The following APBB2 variants were observed in gnomAD, a reference collection of about 807,000 sequenced individuals.
APBB2 encodes the protein Fe65-like 1.
Under a neutral mutation model 82.5 loss-of-function variants are expected in APBB2, and 38 were observed. That is an observed-to-expected ratio of 0.46 (90% CI 0.36 to 0.60). The LOEUF is 0.60. Ranked by LOEUF, APBB2 falls within the 20% of genes least tolerant of loss-of-function variation. The pLI is 0.00. For missense variants in APBB2, 772 were observed against 972.3 expected (o/e 0.79, Z 2.74); for synonymous variants, 341 against 368.2 (o/e 0.93, Z 0.85).
chr4:41,037,459 A>G (rs1719675211), intron 4 of APBB2, among the ~76,000 whole-genome samples: 1 of 152,200 alleles, frequency 6.6e-6, no homozygotes, highest in South Asian at 2.1e-4. Context: ...TAGAATTTCC[A>G]GGGTTAGATA....
At chr4:41,091,033 A>C (rs557420069) in intron 3 of APBB2, among the ~76,000 whole-genome samples, 3 of 152,114 alleles carry the variant, frequency 2.0e-5, no homozygotes, top group Non-Finnish European at 4.4e-5. Context: ...ATGTGATCTG[A>C]TCCCCTGGTG....
intron 12 of APBB2, among the ~76,000 whole-genome samples, chr4:40,848,365 G>GT: frequency 6.6e-6 from 1 of 152,310 alleles, no homozygotes; most frequent in Middle Eastern, 3.4e-3. Flanking sequence ...GGGTCAGAGA[G>GT]TTTAAGTTGA....
chr4:40,853,537 C>A lies in APBB2; in HGVS notation c.1530-22960G>T, dbSNP rs550408578. 1.4e-3 allele frequency among the ~76,000 whole-genome samples: 213 copies of A among 152,142 alleles called. 1 individual carries two copies. The highest frequency in any genetic ancestry group is 4.8e-3 in the African/African-American group (199 of 41,500). ...TGATCTCGGCTCACTGCAACCTCCG[C>A]CTCCTGGGTTCAAGTGATTCTCCTG... On this transcript the variant is annotated intron_variant, in intron 12 of 17. Transcript: ENST00000508593.
intron 11 of APBB2, among the ~76,000 whole-genome samples, chr4:40,891,221 G>A (rs774578491): frequency 6.6e-6 from 1 of 152,172 alleles, no homozygotes; most frequent in Non-Finnish European, 1.5e-5. Context: ...GAACACCCAG[G>A]TTTCTCAACT....
intron 1 of APBB2, among the ~76,000 whole-genome samples, chr4:41,200,977 C>T (rs1460279118): frequency 1.3e-5 from 2 of 152,222 alleles, no homozygotes; most frequent in African/African-American, 4.8e-5. Flanking sequence ...TGCATGCTCT[C>T]AAACAACCTT....
chr4:40,981,285 TCC>T (rs1798403359), intron 6 of APBB2, among the ~76,000 whole-genome samples: 5 of 151,772 alleles, frequency 3.3e-5, no homozygotes, highest in Admixed American at 3.3e-4. Flanking sequence ...CGACTGTAGT[TCC>T]AGCTACTTGG....
At chr4:40,868,999 TA>T (rs1764736004) in intron 12 of APBB2, among the ~76,000 whole-genome samples, 1 of 152,174 alleles carries the variant, frequency 6.6e-6, no homozygotes, top group Non-Finnish European at 1.5e-5. Flanking sequence ...ATACATGTGT[TA>T]CCTCGATTTG....
Position 40,861,088 on chromosome 4 carries a change from C to T in APBB2, c.1529+29276G>A, listed in dbSNP as rs189886473. Among the ~76,000 whole-genome samples, 305 of 152,298 alleles carry T rather than the reference C, an allele frequency of 2.0e-3. 1 individual carries two copies. The highest frequency in any genetic ancestry group is 6.8e-3 in the Middle Eastern group (2 of 294). Reference sequence around the variant, plus strand: ...ACATTAGGCCAGGTGTGGTGGCTCACGCCTGTAATCACAGCATTTTGGGAG... The same window carrying T: ...ACATTAGGCCAGGTGTGGTGGCTCATGCCTGTAATCACAGCATTTTGGGAG... On this transcript the variant is annotated intron_variant, in intron 12 of 17. Transcript: ENST00000508593.
At chr4:40,845,664 G>A (rs1295828914) in intron 12 of APBB2, among the ~76,000 whole-genome samples, 2 of 140,746 alleles carry the variant, frequency 1.4e-5, no homozygotes, top group Admixed American at 7.4e-5. Context: ...GGAAGAGGAC[G>A]CCATCTCCTG....
chr4:41,204,510 A>G (rs1204485784), intron 1 of APBB2, among the ~76,000 whole-genome samples: 1 of 152,192 alleles, frequency 6.6e-6, no homozygotes, highest in Non-Finnish European at 1.5e-5. Flanking sequence ...TAGACTTAGC[A>G]TCCCTTCTCC....
intron 2 of APBB2, among the ~76,000 whole-genome samples, chr4:41,117,933 G>A (rs1000049343): frequency 6.6e-6 from 1 of 152,138 alleles, no homozygotes; most frequent in African/African-American, 2.4e-5. Context: ...CTAGCTGAGG[G>A]CAGTGGCTCA....
chr4:41,015,736 C>A (rs1809727001), intron 5 of APBB2, among the ~76,000 whole-genome samples: 1 of 152,170 alleles, frequency 6.6e-6, no homozygotes, highest in African/African-American at 2.4e-5. Context: ...GGGTTAGGAT[C>A]TTGGGCCCCA....
intron 3 of APBB2, among the ~76,000 whole-genome samples, chr4:41,082,360 G>T (rs556038267): frequency 6.6e-6 from 1 of 152,166 alleles, no homozygotes; most frequent in South Asian, 2.1e-4. Flanking sequence ...AAACATCGGG[G>T]GGTGTCCTAT....
intron 10 of APBB2, among the ~76,000 whole-genome samples, chr4:40,902,830 C>T (rs184187385): frequency 6.6e-6 from 1 of 152,320 alleles, no homozygotes; most frequent in Admixed American, 6.5e-5. Flanking sequence ...CCACCTGGAC[C>T]CAACACCCAG....
intron 10 of APBB2, among the ~76,000 whole-genome samples, chr4:40,904,799 C>T (rs532234352): frequency 2.7e-4 from 41 of 151,656 alleles, no homozygotes; most frequent in African/African-American, 8.9e-4. Flanking sequence ...GTTCTCCATC[C>T]GGCTGAAGCA....
At chr4:40,959,445 G>A (rs1792508142) in intron 6 of APBB2, among the ~76,000 whole-genome samples, 1 of 152,130 alleles carries the variant, frequency 6.6e-6, no homozygotes, top group Non-Finnish European at 1.5e-5. Context: ...CAGTCCTCTG[G>A]CTAGTATACA....
intron 1 of APBB2, among the ~76,000 whole-genome samples, chr4:41,165,743 C>G (rs1016371698): frequency 3.3e-5 from 5 of 152,160 alleles, no homozygotes; most frequent in Admixed American, 6.5e-5. Flanking sequence ...CAACACAGTT[C>G]AGTCCATGAA....
At chr4:40,846,019 T>TGG (rs1757503808) in intron 12 of APBB2, among the ~76,000 whole-genome samples, 5 of 6,802 alleles carry the variant, frequency 7.4e-4, no homozygotes, top group African/African-American at 4.9e-3. Context: ...GAGTGGGGTG[T>TGG]GTGTGTGTGT....
chr4:40,896,583 T>C (rs1773719586), intron 10 of APBB2, among the ~76,000 whole-genome samples: 1 of 152,222 alleles, frequency 6.6e-6, no homozygotes, highest in East Asian at 1.9e-4. Context: ...ACTTGAACAT[T>C]TGTTGAATGA....
Sources: gnomAD v4.1 joint callset for allele counts (sites outside exome capture counted in the v4.1 genomes callset) on GRCh38, gnomAD v4.1.1 for gene constraint, MANE v1.5 for transcripts, NCBI Gene and HGNC (gene_info 2026-07-23, HGNC 2026-07-21) for gene names.